The following MACROD2 variants were observed in gnomAD, a reference collection of about 807,000 sequenced individuals.
MACROD2 encodes the protein mono-ADP ribosylhydrolase 2, also known as ADP-ribose glycohydrolase MACROD2.
Under a neutral mutation model 70.4 loss-of-function variants are expected in MACROD2, and 36 were observed. That is an observed-to-expected ratio of 0.51 (90% confidence interval 0.39 to 0.68). The LOEUF (loss-of-function observed/expected upper bound fraction) is 0.68. MACROD2 is among the 30% of genes least tolerant of loss of function. MACROD2 has a pLI of 0.00. For missense variants in MACROD2, 496 were observed against 538.4 expected, an observed-to-expected ratio of 0.92 and a Z score of 0.78; for synonymous variants, 172 against 178.8, an observed-to-expected ratio of 0.96 and a Z score of 0.30.
intron 3 of MACROD2, among the ~76,000 whole-genome samples, chr20:14,198,498 C>G (rs116308843): frequency 1.3e-5 from 2 of 152,132 alleles, no homozygotes; most frequent in African/African-American, 4.8e-5. Context: ...TTGATTTTAC[C>G]GCTTTCAGAA....
chr20:14,254,244 TA>T (rs1170526241), intron 3 of MACROD2, among the ~76,000 whole-genome samples: 1 of 152,088 alleles, frequency 6.6e-6, no homozygotes, highest in African/African-American at 2.4e-5. Context: ...TCCATTGTCC[TA>T]ATTCTCTCAA....
At chr20:14,963,999 T>C (rs926025454) in intron 5 of MACROD2, among the ~76,000 whole-genome samples, 17 of 152,332 alleles carry the variant, frequency 1.1e-4, no homozygotes, top group Admixed American at 1.0e-3. Flanking sequence ...GGGAGTTTAT[T>C]GTTTAAACAA....
intron 5 of MACROD2, among the ~76,000 whole-genome samples, chr20:14,879,006 A>G (rs192579550): frequency 3.8e-4 from 57 of 151,886 alleles, no homozygotes; most frequent in African/African-American, 1.3e-3. Context: ...GCCAGATGTA[A>G]TCTCTTCTCT....
In MACROD2 at chr20:14,304,277, C is replaced by T. The variant is rs73266934; in HGVS notation, c.272-189202C>T. Among the ~76,000 whole-genome samples, 288 of 152,312 alleles carry T rather than the reference C, an allele frequency of 1.9e-3. 1 individual carries two copies. The highest frequency in any genetic ancestry group is 6.6e-3 in the African/African-American group (273 of 41,572). ...TCTGAACCGAACATAATATTCCAAA[C>T]GTGTTCTGCCCAGCCCAGAGCAGTC... On this transcript the variant is annotated intron_variant, in intron 3 of 17. Transcript: ENST00000684519.
At chr20:15,071,851 T>C (rs964146183) in intron 5 of MACROD2, among the ~76,000 whole-genome samples, 13 of 152,152 alleles carry the variant, frequency 8.5e-5, no homozygotes, top group African/African-American at 3.1e-4. Context: ...TAAAACATGT[T>C]TGTGGTTGGC....
At chr20:15,401,229 G>A (rs1037821230) in intron 6 of MACROD2, among the ~76,000 whole-genome samples, 13 of 152,006 alleles carry the variant, frequency 8.6e-5, no homozygotes, top group Non-Finnish European at 1.6e-4. Context: ...TAGTGGAGAC[G>A]GGGTTTCACT....
intron 6 of MACROD2, among the ~76,000 whole-genome samples, chr20:15,282,039 C>T (rs2077450235): frequency 1.3e-5 from 2 of 152,258 alleles, no homozygotes; most frequent in Non-Finnish European, 2.9e-5. Flanking sequence ...TTGGGGCTTG[C>T]ACCCTCTGAA....
chr20:15,950,878 A>G (rs1214532812), intron 12 of MACROD2, among the ~76,000 whole-genome samples: 1 of 152,184 alleles, frequency 6.6e-6, no homozygotes, highest in African/African-American at 2.4e-5. Context: ...AGATGGAAGT[A>G]TGGGGCGTTT....
chr20:15,286,169 T>C (rs1418304528), intron 6 of MACROD2, among the ~76,000 whole-genome samples: 1 of 152,132 alleles, frequency 6.6e-6, no homozygotes, highest in Non-Finnish European at 1.5e-5. Context: ...AGAGAAATTT[T>C]GTAGGGTTTT....
chr20:14,977,407 A>G (rs1304886725), intron 5 of MACROD2, among the ~76,000 whole-genome samples: 3 of 146,128 alleles, frequency 2.1e-5, no homozygotes, highest in Non-Finnish European at 4.5e-5. Flanking sequence ...GGTTCATGTT[A>G]GTAGGTAATA....
At chr20:15,554,085 G>T (rs1472702307) in intron 8 of MACROD2, among the ~76,000 whole-genome samples, 1 of 152,214 alleles carries the variant, frequency 6.6e-6, no homozygotes, top group Non-Finnish European at 1.5e-5. Context: ...TGGCAAGAAT[G>T]GCAATGGAGA....
intron 5 of MACROD2, among the ~76,000 whole-genome samples, chr20:14,724,863 C>T (rs959959326): frequency 7.2e-5 from 11 of 152,160 alleles, no homozygotes; most frequent in Middle Eastern, 3.4e-3. Flanking sequence ...GGAGGAAGCA[C>T]CATGGCTTGC....
chr20:15,222,863 G>C (rs570658809), intron 5 of MACROD2, among the ~76,000 whole-genome samples: 2 of 152,160 alleles, frequency 1.3e-5, no homozygotes, highest in Non-Finnish European at 2.9e-5. Context: ...CCAAGGATAA[G>C]TCTGATTGAA....
intron 3 of MACROD2, among the ~76,000 whole-genome samples, chr20:14,207,705 C>T (rs530967803): frequency 1.9e-4 from 29 of 152,256 alleles, no homozygotes; most frequent in African/African-American, 7.0e-4. Flanking sequence ...ACAGTGACAG[C>T]GAAGAACATT....
rs143740461 is a variant in MACROD2 at position 14,294,322 on chromosome 20, A to T, written c.272-199157A>T. ...AGGGGATAAATAAAAAGCCTACTAG[A>T]TGAATAGTTTGTAGAATGATTTTTG... On this transcript the variant is annotated intron_variant, in intron 3 of 17. Transcript: ENST00000684519. 1.1e-3 allele frequency among the ~76,000 whole-genome samples: 166 copies of T among 150,904 alleles called. 4 individuals are homozygous for T. The highest frequency in any genetic ancestry group is 3.9e-3 in the African/African-American group (160 of 40,812).
intron 8 of MACROD2, among the ~76,000 whole-genome samples, chr20:15,799,350 G>C (rs2063703061): frequency 6.6e-6 from 1 of 151,994 alleles, no homozygotes; most frequent in Admixed American, 6.6e-5. Flanking sequence ...TCATTAACTA[G>C]AGTTATTCTA....
chr20:14,234,820 C>CT (rs1398045445), intron 3 of MACROD2, among the ~76,000 whole-genome samples: 1 of 152,206 alleles, frequency 6.6e-6, no homozygotes, highest in African/African-American at 2.4e-5. Flanking sequence ...CTCTCCCTTT[C>CT]TTTGGGAGAT....
chr20:15,944,748 A>G (rs1429262396), intron 12 of MACROD2, among the ~76,000 whole-genome samples: 1 of 152,158 alleles, frequency 6.6e-6, no homozygotes, highest in Non-Finnish European at 1.5e-5. Context: ...TTTAATTAGT[A>G]TATTTATTGT....
chr20:15,224,364 A>G (rs148378978), intron 5 of MACROD2, among the ~76,000 whole-genome samples: 1 of 152,338 alleles, frequency 6.6e-6, no homozygotes, highest in Non-Finnish European at 1.5e-5. Flanking sequence ...AAATGTATAC[A>G]TACAAATGTA....
Sources: gnomAD v4.1 joint callset for allele counts (sites outside exome capture counted in the v4.1 genomes callset) on GRCh38, gnomAD v4.1.1 for gene constraint, MANE v1.5 for transcripts, NCBI Gene and HGNC (gene_info 2026-07-23, HGNC 2026-07-21) for gene names.